The following MEG3 variants were observed in gnomAD, a reference collection of about 807,000 sequenced individuals.
The protein encoded by MEG3 is Very putative protein from MEG3 locus.
intron 2 of MEG3, among the ~76,000 whole-genome samples, chr14:100,838,479 C>A (rs1230829814): frequency 6.6e-6 from 1 of 152,206 alleles, no homozygotes. Flanking sequence ...TCGGGAACTG[C>A]CGAAAGGCCA....
upstream of MEG3, chr14:100,857,004 G>C (rs991737310): frequency 6.6e-6 from 1 of 152,142 alleles, no homozygotes; most frequent in Non-Finnish European, 1.5e-5. Context: ...AGTGCCTGGC[G>C]AGTGGTAGCG....
rs981050500 is a variant in MEG3 at position 100,837,541 on chromosome 14, G to A, written n.3045+1241G>A. ...GGCCCAGATGCCAATACTCCCCTCT[G>A]GACGCCCACGAATGGGGTCTCTGAG... is the stretch of plus-strand genomic sequence containing the variant. On this transcript the variant is annotated intron_variant and non_coding_transcript_variant, in intron 2 of 3. Transcript: ENST00000398461. This position sits in a 1 kb window ranked among gnomAD's most constrained non-coding sequence, Gnocchi z 5.8. Among the ~76,000 whole-genome samples the A allele has an allele frequency of 6.6e-6, 1 of 152,104 alleles. No individual in the cohort carries two copies. The highest frequency in any genetic ancestry group is 2.4e-5 in the African/African-American group (1 of 41,406).
At chr14:100,852,324 C>T, upstream of MEG3, 1 of 531,468 alleles carries the variant, frequency 1.9e-6, no homozygotes, top group Non-Finnish European at 3.8e-6. Flanking sequence ...GGTTCCCACG[C>T]TTCTAGCTCC....
In MEG3 at chr14:100,837,640, C is replaced by T. The variant is rs2037626300; in HGVS notation, n.3045+1340C>T. On this transcript the variant is annotated intron_variant and non_coding_transcript_variant, in intron 2 of 3. Coordinates refer to the MEG3 transcript ENST00000398461. The surrounding 1 kb of genome is among the most constrained non-coding windows in gnomAD (Gnocchi z 5.8). ...GTCCTCAGCCATGTGCACGCATCAG[C>T]CCTTGTGCAGGCCTCCGCCCTCCGC... Among the ~76,000 whole-genome samples the T allele has an allele frequency of 6.6e-6, 1 of 152,086 alleles. No homozygotes were observed. The highest frequency in any genetic ancestry group is 1.9e-4 in the East Asian group (1 of 5,168).
At chr14:100,852,516 C>A, upstream of MEG3, 1 of 486,666 alleles carries the variant, frequency 2.1e-6, no homozygotes, top group South Asian at 1.5e-5. Flanking sequence ...GGGCTCCAGG[C>A]TATGCCTTGG....
At chr14:100,860,131 A>C (rs2038362360) in exon 1 of MEG3, 4 of 164,500 alleles carry the variant, frequency 2.4e-5, no homozygotes, top group Non-Finnish European at 4.0e-5. Context: ...CGCTGGTCCC[A>C]GGGACTCTTG....
chr14:100,839,994 CTCTG>C (rs2037702346), intron 2 of MEG3, among the ~76,000 whole-genome samples: 1 of 152,184 alleles, frequency 6.6e-6, no homozygotes, highest in African/African-American at 2.4e-5. Flanking sequence ...TGGGACATAT[CTCTG>C]TCTGTCCTCT....
chr14:100,836,358 C>T (rs2037580503), intron 2 of MEG3: 1 of 445,368 alleles, frequency 2.2e-6, no homozygotes, highest in African/African-American at 2.0e-5. Context: ...CATGTCTCTC[C>T]TCTCTGATCA....
chr14:100,853,023 T>A (rs1195999897), upstream of MEG3: 1 of 152,542 alleles, frequency 6.6e-6, no homozygotes, highest in Non-Finnish European at 1.5e-5. Context: ...TCAAAGGTTC[T>A]TTAGTTCTGG....
At position 100,837,625 on chromosome 14, in the gene MEG3, A is replaced by T. The variant is rs1176255527; in HGVS notation, n.3045+1325A>T. Among the ~76,000 whole-genome samples the T allele has an allele frequency of 2.6e-5, 4 of 152,042 alleles. No homozygotes were observed. Among genetic ancestry groups the T allele is most frequent in the Non-Finnish European group, 4.4e-5 (3 of 67,990 alleles). On this transcript the variant is annotated intron_variant and non_coding_transcript_variant, in intron 2 of 3. Transcript: ENST00000398461. This position sits in a 1 kb window ranked among gnomAD's most constrained non-coding sequence, Gnocchi z 5.8. ...GGGGCCCAGCCTCTAGTCCTCAGCC[A>T]TGTGCACGCATCAGCCCTTGTGCAG...
upstream of MEG3, chr14:100,852,560 C>T (rs944017043): frequency 1.0e-5 from 4 of 385,566 alleles, no homozygotes; most frequent in East Asian, 2.7e-4. Context: ...CTTATTATCC[C>T]TGGGGACACC....
intron 3 of MEG3, chr14:100,850,244 G>T (rs1289334427): frequency 6.6e-6 from 1 of 152,188 alleles, no homozygotes. Flanking sequence ...GCATGAAGGT[G>T]GTGACCGGGA....
At chr14:100,838,733 G>A (rs1395765432) in intron 2 of MEG3, among the ~76,000 whole-genome samples, 4 of 152,058 alleles carry the variant, frequency 2.6e-5, no homozygotes, top group East Asian at 1.9e-4. Context: ...TAAAGACGGC[G>A]GTCTGGTCTG....
chr14:100,842,396 G>A (rs996556103), intron 2 of MEG3, among the ~76,000 whole-genome samples: 1 of 152,282 alleles, frequency 6.6e-6, no homozygotes, highest in East Asian at 1.9e-4. Context: ...GAGGGCTGAT[G>A]GGGGCCTGCG....
chr14:100,841,048 G>T (rs1245567550), intron 2 of MEG3, among the ~76,000 whole-genome samples: 1 of 152,214 alleles, frequency 6.6e-6, no homozygotes, highest in East Asian at 1.9e-4. Context: ...AGAGGAGGGG[G>T]TCATGGTGGC....
intron 1 of MEG3, among the ~76,000 whole-genome samples, chr14:100,828,219 G>C (rs373639554): frequency 2.4e-3 from 360 of 152,142 alleles, no homozygotes; most frequent in Non-Finnish European, 4.6e-3. Context: ...CTGGGTTACG[G>C]GTGCGGGCCG....
downstream of MEG3, chr14:100,831,857 T>C (rs1044683600): frequency 4.6e-5 from 7 of 152,196 alleles, no homozygotes; most frequent in Non-Finnish European, 1.0e-4. Flanking sequence ...CAGGTTTATC[T>C]CAGTTTCAAA....
rs2037895725 is a variant in MEG3 at position 100,845,588 on chromosome 14, C to G, written n.3121+55C>G. ...TGTGGCCTTGCTGCTGAGGGTGGGGCCAGCTGCCCGGAGCACACCGCCAGG... is the reference window on the plus strand; with the variant it reads ...TGTGGCCTTGCTGCTGAGGGTGGGGGCAGCTGCCCGGAGCACACCGCCAGG... On this transcript the variant is annotated intron_variant and non_coding_transcript_variant, in intron 3 of 3. Coordinates refer to the MEG3 transcript ENST00000398461. This position sits in a 1 kb window ranked among gnomAD's most constrained non-coding sequence, Gnocchi z 5.2. The G allele has an allele frequency of 2.2e-6, 1 of 445,280 alleles. No individual in the cohort carries two copies. Among genetic ancestry groups the G allele is most frequent in the Non-Finnish European group, 4.5e-6 (1 of 220,818 alleles). 27.6% of individuals were successfully genotyped at this position (445,280 alleles called of 1,614,324 possible).
At chr14:100,858,341 G>A (rs576141621) in exon 1 of MEG3, 53 of 152,952 alleles carry the variant, frequency 3.5e-4, no homozygotes, top group Non-Finnish European at 6.6e-4. Context: ...GACATCCCAC[G>A]CAGGGGTCCT....
Sources: gnomAD v4.1 joint callset for allele counts (sites outside exome capture counted in the v4.1 genomes callset) on GRCh38, gnomAD v4.1.1 for gene constraint, Gnocchi (gnomAD v3.1) non-coding constraint, MANE v1.5 for transcripts, NCBI Gene and HGNC (gene_info 2026-07-23, HGNC 2026-07-21) for gene names.